The following STRA6 variants were observed in gnomAD, a reference collection of about 807,000 sequenced individuals.
The protein encoded by STRA6 is signaling receptor and transporter of retinol STRA6, also known as receptor for retinol uptake STRA6.
Under a neutral mutation model 83.6 loss-of-function variants are expected in STRA6, and 48 were observed. That is an observed-to-expected ratio of 0.57 (90% CI 0.46 to 0.73). STRA6 has a LOEUF of 0.73. Among genes scored for constraint, STRA6 ranks in the 30% least tolerant of loss-of-function variants. STRA6 has a pLI of 0.00. For synonymous variants in STRA6, 353 were observed against 362.3 expected (o/e 0.97, Z 0.29); for missense variants, 760 against 838.8 (o/e 0.91, Z 1.16).
intron 12 of STRA6, among the ~76,000 whole-genome samples, chr15:74,187,365 C>T (rs1026281097): frequency 6.6e-6 from 1 of 152,240 alleles, no homozygotes; most frequent in Non-Finnish European, 1.5e-5. Context: ...ATAGATCTGT[C>T]TTCCCTCATG....
chr15:74,191,374 G>A (rs1365865508), intron 9 of STRA6, 50 bp downstream of exon 9: 1 of 1,608,756 alleles, frequency 6.2e-7, no homozygotes, highest in Non-Finnish European at 8.5e-7. Context: ...AAGCACGGCT[G>A]CTAACCAGCC....
chr15:74,190,681 C>A (rs556176994), intron 11 of STRA6, among the ~76,000 whole-genome samples, 159 bp downstream of exon 11: 3 of 152,210 alleles, frequency 2.0e-5, no homozygotes, highest in African/African-American at 7.2e-5. Flanking sequence ...AACACCCCGG[C>A]CCTTCTGGGT....
chr15:74,210,543 TCA>T (rs1353957865), upstream of STRA6, among the ~76,000 whole-genome samples: 11 of 152,242 alleles, frequency 7.2e-5, no homozygotes, highest in African/African-American at 2.7e-4. Flanking sequence ...AGCAAACTGT[TCA>T]CAGTGGTCAC....
chr15:74,196,335 C>A, intron 4 of STRA6, 188 bp from the exon 5 acceptor site: 1 of 962,156 alleles, frequency 1.0e-6, no homozygotes, highest in African/African-American at 1.6e-5. Context: ...AGCTCTGGGC[C>A]CCGTGCCAAA....
rs369050725 is a variant in STRA6, at chr15:74,181,421, G to C, written c.1558C>G (p.Leu520Val). 9.9e-6 allele frequency: 16 copies of C among 1,613,524 alleles called. No individual in the cohort carries two copies. Among genetic ancestry groups the C allele is most frequent in the Non-Finnish European group, 1.3e-5 (15 of 1,179,758 alleles). ...LYAATFLLFP[L>V]NVLVGAMVAT... Reference sequence around the variant, plus strand: ...ACCATGGCACCCACCAGCACATTGAGGGGGAAGAGAAGAAAGGTGGCTGCA... The same window carrying C: ...ACCATGGCACCCACCAGCACATTGACGGGGAAGAGAAGAAAGGTGGCTGCA... Residue 520 changes from leucine (L) to valine (V), a missense_variant, in exon 17 of 19, where the codon CTC becomes GTC. Leu to Val is a conservative substitution (Grantham distance 32). Transcript: ENST00000395105.
Position 74,191,172 on chromosome 15 carries a change from T to A in STRA6, c.860A>T (p.Gln287Leu), listed in dbSNP as rs1307941361. 6.2e-7 allele frequency: 1 copy of A among 1,613,872 alleles called. No homozygotes were observed. Among genetic ancestry groups the A allele is most frequent in the African/African-American group, 1.3e-5 (1 of 74,886 alleles). The change falls in exon 10 of 19, where the codon CAG (glutamine) becomes CTG (leucine). Residue 287 changes from glutamine (Q) to leucine (L), a missense_variant. Gln to Leu is a moderately radical substitution (Grantham distance 113). Coordinates refer to ENST00000395105, the MANE Select transcript of STRA6 (RefSeq NM_022369.4). ...CTCAGCTCCCAACCCCATACCTGGC[T>A]GTGGAGTGTAGATGCAGTGTCTCAA... ...VCLRHCIYTP[Q>L]PGFHLPLKLV...
At position 74,202,698 on chromosome 15, in the gene STRA6, G is replaced by A; in HGVS notation, c.-16+15C>T. On this transcript the variant is annotated intron_variant, in intron 1 of 18. Coordinates refer to ENST00000395105, the MANE Select transcript of STRA6 (RefSeq NM_022369.4). ...CCCCTTTCCCAAGCCCACCTAGACA[G>A]ACCCACAGACACACCAGAAGGGAGG... The A allele has an allele frequency of 7.6e-7, 1 of 1,320,232 alleles. No homozygotes were observed. The highest frequency in any genetic ancestry group is 9.6e-7 in the Non-Finnish European group (1 of 1,039,674). 81.8% of individuals were successfully genotyped at this position (1,320,232 alleles called of 1,614,324 possible). A position where few individuals can be genotyped will look rare whatever the true frequency, so the allele number is the denominator to read the frequency against.
chr15:74,212,189 A>G (rs1222416415), upstream of STRA6: 1 of 152,444 alleles, frequency 6.6e-6, no homozygotes, highest in Non-Finnish European at 1.5e-5. Flanking sequence ...CGCAGAGTCT[A>G]CAGGGCCCTG....
intron 12 of STRA6, among the ~76,000 whole-genome samples, chr15:74,186,997 C>T (rs1183724148): frequency 6.6e-6 from 1 of 152,226 alleles, no homozygotes; most frequent in Non-Finnish European, 1.5e-5. Context: ...ACACTTTTCT[C>T]AGAAGCAAGG....
At chr15:74,189,461 G>A (rs1385706861) in intron 11 of STRA6, among the ~76,000 whole-genome samples, 184 bp from the exon 12 acceptor site, 3 of 152,146 alleles carry the variant, frequency 2.0e-5, no homozygotes, top group Non-Finnish European at 4.4e-5. Flanking sequence ...ACAGACAGGT[G>A]CAATCACAGC....
At chr15:74,193,129 TCATC>T (rs978455195) in intron 8 of STRA6, among the ~76,000 whole-genome samples, 5 of 152,226 alleles carry the variant, frequency 3.3e-5, no homozygotes, top group African/African-American at 1.2e-4. Context: ...ATCCATCCAT[TCATC>T]CATCTATTCA....
At chr15:74,195,544 C>A in intron 6 of STRA6, 76 bp from the exon 7 acceptor site, 2 of 1,585,172 alleles carry the variant, frequency 1.3e-6, no homozygotes, top group African/African-American at 1.3e-5. Context: ...ACCCAGGCCT[C>A]TCTTCGGTCT....
intron 1 of STRA6, 38 bp downstream of exon 1, chr15:74,202,675 C>T: frequency 7.2e-7 from 1 of 1,386,190 alleles, no homozygotes; most frequent in Non-Finnish European, 9.3e-7. Context: ...CCTTCCTTCC[C>T]CTTTCCCAAG....
chr15:74,180,182 G>A lies in STRA6; in HGVS notation c.1902C>T (p.Arg634=), dbSNP rs551686188. 31 of 1,613,910 alleles carry A rather than the reference G, an allele frequency of 1.9e-5. 1 individual carries two copies. The Admixed American group carries it at 3.2e-4, about 16-fold the overall frequency. ...AGGCCAGACCCCAGCGAGCCCTGCCGCGGCTGGCCCCGGGCCTAGCTCCCT... is the reference window on the plus strand; with the variant it reads ...AGGCCAGACCCCAGCGAGCCCTGCCACGGCTGGCCCCGGGCCTAGCTCCCT... The part of the protein sequence containing the change: ...MAKGARPGAS[R]GRARWGLAYT... The change falls in exon 19 of 19, where the codon CGC becomes CGT. Residue 634 remains arginine, a synonymous_variant. Coordinates refer to ENST00000395105, the MANE Select transcript of STRA6 (RefSeq NM_022369.4).
chr15:74,208,186 G>T, intron 1 of STRA6: 1 of 428,262 alleles, frequency 2.3e-6, no homozygotes, highest in Non-Finnish European at 3.2e-6. Context: ...CCTGGAGGAG[G>T]GAGGCAGATT....
rs1014202347 is a variant in STRA6 at position 74,194,991 on chromosome 15, G to T, written c.597+311C>A. ...CAGCCTGACCAAAGGGAAGCTGGGG[G>T]ATCACTAACACAGGCATTGGGGGTG... On this transcript the variant is annotated intron_variant, in intron 7 of 18. Transcript: ENST00000395105. The T allele has an allele frequency of 7.0e-6, 10 of 1,432,516 alleles. No individual in the cohort carries two copies. In the African/African-American group the frequency reaches 1.3e-4, roughly 19 times the overall value. The allele number at this position is 1,432,516 out of a possible 1,614,324, so 88.7% of individuals were successfully genotyped here. A position where few individuals can be genotyped will look rare whatever the true frequency, so the allele number is the denominator to read the frequency against.
chr15:74,189,191 G>C lies in STRA6; in HGVS notation c.1014C>G (p.Ala338=). The change falls in exon 12 of 19, where the codon GCC becomes GCG. Residue 338 remains alanine (A), a synonymous_variant. Transcript: ENST00000395105. The stretch of plus-strand genomic sequence containing the variant: ...CCTCGGAGAGCACGATTCCAAAGCC[G>C]GCCAGCAGGTAGGAGACATCCGTGG... ...GVTTDVSYLL[A]GFGIVLSEDK... The C allele has an allele frequency of 1.2e-6, 2 of 1,613,838 alleles. No homozygotes were observed. The highest frequency in any genetic ancestry group is 2.2e-5 in the South Asian group (2 of 90,940).
intron 13 of STRA6, 57 bp downstream of exon 13, chr15:74,184,923 C>T (rs1193519255): frequency 1.3e-6 from 2 of 1,569,516 alleles, no homozygotes; most frequent in African/African-American, 1.4e-5. Flanking sequence ...CGCAGGCCCA[C>T]AGGACTCCCA....
rs1214518567 is a variant in STRA6 at position 74,180,816 on chromosome 15, G to A, written c.1806C>T (p.Pro602=). The A allele has an allele frequency of 4.3e-6, 7 of 1,613,412 alleles. No homozygotes were observed. The highest frequency in any genetic ancestry group is 5.9e-6 in the Non-Finnish European group (7 of 1,179,570). The change falls in exon 18 of 19, where the codon CCC becomes CCT. Residue 602 remains proline, a synonymous_variant. Transcript: ENST00000395105. ...QSLLPRTMAA[P]QDSLRPGEED... ...CCTCCCCTGGTCTGAGGCTGTCCTGGGGGGCTGCCATGGTCCTGGGTAGGA... is the reference window on the plus strand; with the variant it reads ...CCTCCCCTGGTCTGAGGCTGTCCTGAGGGGCTGCCATGGTCCTGGGTAGGA...
Sources: gnomAD v4.1 joint callset for allele counts (sites outside exome capture counted in the v4.1 genomes callset) on GRCh38, gnomAD v4.1.1 for gene constraint, MANE v1.5 for transcripts, NCBI Gene and HGNC (gene_info 2026-07-23, HGNC 2026-07-21) for gene names.